The following RALYL variants were observed in gnomAD, a reference collection of about 807,000 sequenced individuals.
RALYL encodes RALY RNA binding protein like, also known as RNA-binding Raly-like protein.
In RALYL, 29 loss-of-function variants were observed where a neutral mutation model predicts 35.1. That is an observed-to-expected ratio of 0.83 (90% confidence interval 0.61 to 1.13). The LOEUF (loss-of-function observed/expected upper bound fraction) is 1.13. Ranked by LOEUF, RALYL falls within the 50% of genes most tolerant of loss-of-function variation. The pLI is 0.00. For missense variants in RALYL, 359 were observed against 360.4 expected (o/e 1.00, Z 0.03); for synonymous variants, 120 against 127.6 (o/e 0.94, Z 0.40).
chr8:84,343,268 A>C (rs950259279), intron 1 of RALYL, among the ~76,000 whole-genome samples: 3 of 152,222 alleles, frequency 2.0e-5, no homozygotes, highest in Non-Finnish European at 2.9e-5. Flanking sequence ...CTTACAATTC[A>C]TGGGACTTTT....
chr8:84,257,011 T>C (rs1831331886), intron 1 of RALYL, among the ~76,000 whole-genome samples: 2 of 151,968 alleles, frequency 1.3e-5, no homozygotes, highest in African/African-American at 2.4e-5. Context: ...TAAACAAATA[T>C]AACCACGATA....
chr8:84,698,437 A>G (rs1033515044), intron 2 of RALYL, among the ~76,000 whole-genome samples: 17 of 152,144 alleles, frequency 1.1e-4, no homozygotes, highest in African/African-American at 3.9e-4. Flanking sequence ...TGATAATAAC[A>G]TATATTCTTT....
chr8:84,468,211 G>A (rs550573205), intron 1 of RALYL, among the ~76,000 whole-genome samples: 20 of 151,780 alleles, frequency 1.3e-4, no homozygotes, highest in East Asian at 3.9e-4. Flanking sequence ...GATTTTGCTC[G>A]TTAGTTGATG....
intron 2 of RALYL, among the ~76,000 whole-genome samples, chr8:84,717,182 G>A (rs551013409): frequency 2.7e-4 from 41 of 152,204 alleles, no homozygotes; most frequent in African/African-American, 7.9e-4. Context: ...GCGGGACTCC[G>A]TCTCAAAAAA....
At chr8:84,805,554 C>A (rs978510932) in intron 4 of RALYL, among the ~76,000 whole-genome samples, 3 of 152,000 alleles carry the variant, frequency 2.0e-5, no homozygotes, top group East Asian at 3.9e-4. Context: ...CATGGTGGCA[C>A]ACACCTGTAA....
intron 1 of RALYL, chr8:84,185,080 G>A: frequency 6.4e-7 from 1 of 1,561,700 alleles, no homozygotes; most frequent in Non-Finnish European, 8.8e-7. Context: ...GCTGTCTTTG[G>A]ATCTTTTTTT....
At chr8:84,814,573 T>C (rs1402728951) in intron 4 of RALYL, among the ~76,000 whole-genome samples, 1 of 152,170 alleles carries the variant, frequency 6.6e-6, no homozygotes, top group Non-Finnish European at 1.5e-5. Context: ...GCTGTACTAA[T>C]TTTGAAATAA....
intron 2 of RALYL, among the ~76,000 whole-genome samples, chr8:84,709,283 A>C (rs1038242315): frequency 6.6e-6 from 1 of 152,000 alleles, no homozygotes; most frequent in Non-Finnish European, 1.5e-5. Flanking sequence ...ATGGTTTCTC[A>C]TTGACTAGAT....
At chr8:84,638,821 C>A (rs1292524599) in intron 2 of RALYL, among the ~76,000 whole-genome samples, 5 of 118,798 alleles carry the variant, frequency 4.2e-5, no homozygotes, top group Non-Finnish European at 5.6e-5. Context: ...GTTATGGAGT[C>A]CTGAGAAAAG....
rs542074835 is a variant in RALYL at position 84,510,680 on chromosome 8, C to T, written c.-23-18619C>T. ...ACAAAATTAACTGTGCCTGGTGGCA[C>T]ATGCCTGTAGTCCCAGGTACTCTGG... On this transcript the variant is annotated intron_variant, in intron 1 of 8. Transcript: ENST00000521268. Among the ~76,000 whole-genome samples the T allele has an allele frequency of 9.9e-5, 15 of 152,188 alleles. No homozygotes were observed. The East Asian group carries it at 2.5e-3, about 26-fold the overall frequency.
intron 1 of RALYL, among the ~76,000 whole-genome samples, chr8:84,247,141 A>G (rs1829264225): frequency 6.6e-6 from 1 of 152,210 alleles, no homozygotes; most frequent in Non-Finnish European, 1.5e-5. Flanking sequence ...CAGGCAAAGT[A>G]TACAAGTTTC....
chr8:84,764,852 G>T (rs752905968), intron 2 of RALYL, among the ~76,000 whole-genome samples: 1 of 152,152 alleles, frequency 6.6e-6, no homozygotes, highest in Non-Finnish European at 1.5e-5. Context: ...TAGCTTTGAT[G>T]CTGTGAAGGG....
chr8:84,242,748 T>C (rs1341551120), intron 1 of RALYL, among the ~76,000 whole-genome samples: 2 of 152,192 alleles, frequency 1.3e-5, no homozygotes, highest in South Asian at 4.1e-4. Flanking sequence ...TTTTTTCAGA[T>C]GGATTTGATA....
At chr8:84,256,771 G>T (rs928562055) in intron 1 of RALYL, among the ~76,000 whole-genome samples, 1 of 151,962 alleles carries the variant, frequency 6.6e-6, no homozygotes, top group African/African-American at 2.4e-5. Context: ...GTACCACAAC[G>T]GTCATGCTCA....
intron 2 of RALYL, among the ~76,000 whole-genome samples, chr8:84,541,617 G>A (rs147004589): frequency 1.6e-4 from 25 of 151,998 alleles, no homozygotes; most frequent in African/African-American, 2.6e-4. Context: ...CTGACCTTCC[G>A]CATCGTTACT....
At chr8:84,405,820 A>ATTTT (rs2043416526) in intron 1 of RALYL, among the ~76,000 whole-genome samples, 6 of 138,126 alleles carry the variant, frequency 4.3e-5, no homozygotes, top group African/African-American at 1.7e-4. Context: ...AGATATTTTC[A>ATTTT]TTCTTTTTTT....
intron 1 of RALYL, chr8:84,184,919 A>T (rs1412387261): frequency 2.6e-6 from 4 of 1,558,504 alleles, no homozygotes; most frequent in Non-Finnish European, 3.5e-6. Context: ...AGGCCACGCG[A>T]GCCGGAGCTG....
At chr8:84,466,639 A>G (rs1007809479) in intron 1 of RALYL, among the ~76,000 whole-genome samples, 32 of 150,958 alleles carry the variant, frequency 2.1e-4, no homozygotes, top group African/African-American at 7.5e-4. Flanking sequence ...CTTTGGTATC[A>G]GAATGATGCT....
rs143580837 is a variant in RALYL, at chr8:84,574,609, T to G, written c.256+45032T>G. 4.2e-3 allele frequency among the ~76,000 whole-genome samples: 644 copies of G among 152,246 alleles called. 3 individuals carry two copies. The highest frequency in any genetic ancestry group is 6.9e-3 in the Non-Finnish European group (470 of 67,982). ...ATCTGAAAAAATCCTGGCAGAAAGC[T>G]TGGATGATATCATAGGACATACCTC... On this transcript the variant is annotated intron_variant, in intron 2 of 8. Coordinates refer to ENST00000521268, the MANE Select transcript of RALYL (RefSeq NM_173848.7).
Sources: allele counts gnomAD v4.1 joint callset (sites outside exome capture counted in the v4.1 genomes callset), GRCh38; gene constraint gnomAD v4.1.1; transcripts MANE v1.5; gene names NCBI Gene and HGNC (gene_info 2026-07-23, HGNC 2026-07-21).